Variants in KLHL22 observed in about 807,000 individuals in gnomAD.
KLHL22 encodes kelch-like protein 22.
Under a neutral mutation model 60.7 loss-of-function variants are expected in KLHL22, and 18 were observed. The observed-to-expected ratio is 0.30, with a 90% CI of 0.20 to 0.44. The LOEUF is 0.44. KLHL22 is among the 20% of genes least tolerant of loss of function. The probability of loss-of-function intolerance (pLI) is 1.00; values close to 1 mark genes in which losing one functional copy is unlikely to be tolerated. For synonymous variants in KLHL22, 355 were observed against 354.5 expected, an observed-to-expected ratio of 1.00 and a Z score of -0.01; for missense variants, 596 against 852.3, an observed-to-expected ratio of 0.70 and a Z score of 3.74.
intron 4 of KLHL22, among the ~76,000 whole-genome samples, chr22:20,464,436 G>A (rs1268139895): frequency 6.6e-6 from 1 of 152,190 alleles, no homozygotes; most frequent in African/African-American, 2.4e-5. Context: ...AAGGGAAACT[G>A]AAACAACATG....
chr22:20,488,722 AAAG>A (rs1481949065), intron 2 of KLHL22: 15 of 553,738 alleles, frequency 2.7e-5, no homozygotes, highest in Non-Finnish European at 4.2e-5. Context: ...AGAGAAAAGA[AAAG>A]AGAGAGAAAA....
At chr22:20,482,805 T>C in intron 2 of KLHL22, 1 of 1,215,150 alleles carries the variant, frequency 8.2e-7, no homozygotes, top group Non-Finnish European at 1.2e-6. Flanking sequence ...GATACCCTGC[T>C]TCTGGTGGCT....
Position 20,457,953 on chromosome 22 carries a change from T to C in KLHL22, c.1160A>G (p.Gln387Arg), listed in dbSNP as rs778669984. The C allele has an allele frequency of 6.2e-7, 1 of 1,614,192 alleles. No homozygotes were observed. The highest frequency in any genetic ancestry group is 1.7e-5 in the Admixed American group (1 of 60,022). ...ACACACGGACAGGTCGGCGTGCTCC[T>C]GCTGCAGGGACTGGATCTGGAACCA... ...NRWFQIQSLQ[Q>R]EHADLSVCVV... Residue 387 changes from glutamine to arginine, a missense_variant, in exon 5 of 7, where the codon CAG (glutamine) becomes CGG (arginine). Gln to Arg is a conservative substitution (Grantham distance 43, BLOSUM62 1). Transcript: ENST00000328879.
chr22:20,480,451 G>A (rs902883156), intron 2 of KLHL22, among the ~76,000 whole-genome samples: 1 of 152,148 alleles, frequency 6.6e-6, no homozygotes, highest in African/African-American at 2.4e-5. Context: ...AGAGAGTGAG[G>A]GCCATCTCTA....
chr22:20,485,274 A>G (rs934748394), intron 2 of KLHL22, among the ~76,000 whole-genome samples: 10 of 152,210 alleles, frequency 6.6e-5, no homozygotes, highest in African/African-American at 2.4e-4. Context: ...AGAAGCATAC[A>G]AGGTTAAAGC....
At chr22:20,462,820 A>G (rs1042058038) in intron 4 of KLHL22, among the ~76,000 whole-genome samples, 14 of 152,200 alleles carry the variant, frequency 9.2e-5, no homozygotes, top group African/African-American at 3.1e-4. Flanking sequence ...GGAATGAAAG[A>G]GAAAAAGTAG....
At chr22:20,459,328 C>G (rs1396766614) in intron 4 of KLHL22, among the ~76,000 whole-genome samples, 2 of 152,162 alleles carry the variant, frequency 1.3e-5, no homozygotes, top group Non-Finnish European at 2.9e-5. Flanking sequence ...GTGTGGCCAG[C>G]CCCTCCCCGC....
chr22:20,451,867 G>A, intron 5 of KLHL22: 1 of 1,554,222 alleles, frequency 6.4e-7, no homozygotes, highest in East Asian at 2.3e-5. Context: ...CAGTCCAGTG[G>A]ACAGTTAGTG....
chr22:20,454,656 T>C (rs1000765609), intron 5 of KLHL22, among the ~76,000 whole-genome samples: 2 of 152,198 alleles, frequency 1.3e-5, no homozygotes, highest in Non-Finnish European at 2.9e-5. Flanking sequence ...CCTGAAATTT[T>C]GATAGGAATA....
At position 20,451,278 on chromosome 22, in the gene KLHL22, T is replaced by C. The variant is rs1436880996; in HGVS notation, c.1306-4602A>G. ...ATTTGATCTATGTCTCTGGAGGCTT[T>C]GATGGAAGCAGGCGTCACACCAGTA... is the stretch of plus-strand genomic sequence containing the variant. On this transcript the variant is annotated intron_variant, in intron 5 of 6. Coordinates refer to ENST00000328879, the MANE Select transcript of KLHL22 (RefSeq NM_032775.4). The C allele has an allele frequency of 1.4e-5, 22 of 1,606,352 alleles. No individual in the cohort carries two copies. In the East Asian group the frequency reaches 4.5e-4, roughly 33 times the overall value.
intron 2 of KLHL22, chr22:20,482,691 G>A: frequency 1.8e-6 from 1 of 557,142 alleles, no homozygotes; most frequent in Non-Finnish European, 3.2e-6. Flanking sequence ...TTCTGCCTCA[G>A]CCTCCCAAGT....
At chr22:20,478,659 C>T (rs1396633009) in intron 2 of KLHL22, among the ~76,000 whole-genome samples, 13 of 149,786 alleles carry the variant, frequency 8.7e-5, no homozygotes, top group Middle Eastern at 3.2e-3. Context: ...GGACTATAGG[C>T]GCCCGCCACC....
At chr22:20,490,644 G>A (rs2053671200) in intron 1 of KLHL22, among the ~76,000 whole-genome samples, 1 of 152,178 alleles carries the variant, frequency 6.6e-6, no homozygotes, top group South Asian at 2.1e-4. Flanking sequence ...CCACGGGGTC[G>A]GGGAATGGTT....
chr22:20,458,905 G>A (rs2053110388), intron 4 of KLHL22, among the ~76,000 whole-genome samples: 1 of 152,186 alleles, frequency 6.6e-6, no homozygotes, highest in Admixed American at 6.5e-5. Flanking sequence ...GGCTCTGTAA[G>A]GGCAGGGTGT....
At chr22:20,450,316 T>G (rs1226681571) in intron 5 of KLHL22, 6 of 1,181,606 alleles carry the variant, frequency 5.1e-6, no homozygotes, top group African/African-American at 1.5e-5. Context: ...ACTAGTGACC[T>G]TTATAGAAGG....
At chr22:20,445,691 C>T (rs930013664) in intron 6 of KLHL22, among the ~76,000 whole-genome samples, 1 of 152,194 alleles carries the variant, frequency 6.6e-6, no homozygotes, top group African/African-American at 2.4e-5. Context: ...AAACAATCCT[C>T]CCACTTCAGC....
chr22:20,478,692 T>C (rs1208036717), intron 2 of KLHL22, among the ~76,000 whole-genome samples: 2 of 149,270 alleles, frequency 1.3e-5, no homozygotes, highest in Non-Finnish European at 3.0e-5. Flanking sequence ...TTTTTTGTAT[T>C]TTTAGTAGAG....
chr22:20,480,341 T>A (rs1202753344), intron 2 of KLHL22, among the ~76,000 whole-genome samples: 1 of 152,202 alleles, frequency 6.6e-6, no homozygotes, highest in African/African-American at 2.4e-5. Context: ...GTTTATTATT[T>A]TAGAACCACA....
chr22:20,464,404 A>G (rs112158405), intron 4 of KLHL22, among the ~76,000 whole-genome samples: 14 of 152,178 alleles, frequency 9.2e-5, no homozygotes, highest in Non-Finnish European at 1.8e-4. Context: ...CAGGTAAGAG[A>G]GAAGAGCAAA....
Sources: gnomAD v4.1 joint callset for allele counts (sites outside exome capture counted in the v4.1 genomes callset) on GRCh38, gnomAD v4.1.1 for gene constraint, MANE v1.5 for transcripts, NCBI Gene and HGNC (gene_info 2026-07-23, HGNC 2026-07-21) for gene names.